The following ASIC2 variants were observed in gnomAD, a reference collection of about 807,000 sequenced individuals.
ASIC2 encodes the protein acid-sensing ion channel 2.
ASIC2 carries 25 observed loss-of-function variants against 57.3 expected under a neutral mutation model. The observed-to-expected ratio is 0.44, with a 90% CI of 0.32 to 0.61. The LOEUF (loss-of-function observed/expected upper bound fraction) is 0.61, where lower values mean the gene tolerates loss of function less well. Ranked by LOEUF, ASIC2 falls within the 20% of genes least tolerant of loss-of-function variation. The probability of loss-of-function intolerance (pLI) is 0.06; values close to 1 mark genes in which losing one functional copy is unlikely to be tolerated. For synonymous variants in ASIC2, 319 were observed against 307.5 expected (o/e 1.04, Z -0.39); for missense variants, 641 against 738.1 (o/e 0.87, Z 1.52).
intron 1 of ASIC2, among the ~76,000 whole-genome samples, chr17:33,691,879 G>A (rs753389834): frequency 3.3e-5 from 5 of 152,012 alleles, no homozygotes; most frequent in African/African-American, 4.8e-5. Flanking sequence ...TAACAACAGG[G>A]ATACATTCTG....
intron 1 of ASIC2, among the ~76,000 whole-genome samples, chr17:33,631,281 T>C (rs929948525): frequency 1.3e-5 from 2 of 151,800 alleles, no homozygotes; most frequent in Admixed American, 1.3e-4. Flanking sequence ...ATTTCGTTTG[T>C]GCTCCCCCTC....
rs192506715 is a variant in ASIC2 at position 33,935,273 on chromosome 17, C to T, written c.555+220705G>A. On this transcript the variant is annotated intron_variant, in intron 1 of 9. Transcript: ENST00000359872. The stretch of plus-strand genomic sequence containing the variant: ...CCTTTTCTGTATAACCTCCCTCGGA[C>T]AGTCAGTTGCTCTTACTGAGAAAAG... Among the ~76,000 whole-genome samples the T allele has an allele frequency of 7.2e-5, 11 of 152,342 alleles. No homozygotes were observed. The East Asian group carries it at 1.9e-3, about 27-fold the overall frequency.
chr17:34,122,307 G>T (rs1349414329), intron 1 of ASIC2, among the ~76,000 whole-genome samples: 1 of 152,196 alleles, frequency 6.6e-6, no homozygotes, highest in African/African-American at 2.4e-5. Flanking sequence ...AGTGGCAGAA[G>T]GGGCACAAGG....
At chr17:33,368,180 A>G (rs779531127) in intron 1 of ASIC2, among the ~76,000 whole-genome samples, 1 of 152,232 alleles carries the variant, frequency 6.6e-6, no homozygotes. Context: ...AGGGTACTGT[A>G]TGACTTCTGA....
At chr17:33,939,072 G>A (rs1317759602) in intron 1 of ASIC2, among the ~76,000 whole-genome samples, 1 of 152,224 alleles carries the variant, frequency 6.6e-6, no homozygotes, top group African/African-American at 2.4e-5. Flanking sequence ...TACTTTTCAT[G>A]GTCCCTGCCA....
At chr17:33,330,436 C>T (rs555724342) in intron 1 of ASIC2, among the ~76,000 whole-genome samples, 1 of 152,242 alleles carries the variant, frequency 6.6e-6, no homozygotes, top group East Asian at 1.9e-4. Context: ...ATAAAGTCTG[C>T]GTGTATTGAG....
chr17:33,449,211 T>G (rs1199744274), intron 1 of ASIC2, among the ~76,000 whole-genome samples: 3 of 152,194 alleles, frequency 2.0e-5, no homozygotes, highest in African/African-American at 7.2e-5. Context: ...TGTAGCAAGA[T>G]GAGGAAGAGA....
At chr17:34,155,940 G>A (rs1400206733) in intron 1 of ASIC2, 7 of 1,557,532 alleles carry the variant, frequency 4.5e-6, no homozygotes, top group African/African-American at 1.4e-5. Context: ...CACTTCTCCA[G>A]AGGACCAGAC....
At chr17:33,699,160 A>G (rs1028700677) in intron 1 of ASIC2, among the ~76,000 whole-genome samples, 16 of 152,298 alleles carry the variant, frequency 1.1e-4, no homozygotes, top group Admixed American at 7.8e-4. Context: ...AGCCTGTAAC[A>G]CTGGTTCTCT....
At chr17:33,222,395 G>T (rs1597637565) in intron 1 of ASIC2, among the ~76,000 whole-genome samples, 2 of 152,306 alleles carry the variant, frequency 1.3e-5, no homozygotes, top group East Asian at 3.9e-4. Flanking sequence ...ATAGAAAGTA[G>T]ATTAATGAAT....
At chr17:33,821,254 C>G (rs2141893143) in intron 1 of ASIC2, among the ~76,000 whole-genome samples, 1 of 152,230 alleles carries the variant, frequency 6.6e-6, no homozygotes, top group South Asian at 2.1e-4. Context: ...GTTGTCCCAC[C>G]CCTCAAATAC....
chr17:34,056,353 C>T (rs1474464966), intron 1 of ASIC2, among the ~76,000 whole-genome samples: 2 of 152,102 alleles, frequency 1.3e-5, no homozygotes, highest in South Asian at 2.1e-4. Context: ...CTGCCTTCTC[C>T]CTAAAATACC....
chr17:33,360,815 T>C (rs1908572872), intron 1 of ASIC2, among the ~76,000 whole-genome samples: 1 of 152,316 alleles, frequency 6.6e-6, no homozygotes, highest in Middle Eastern at 3.4e-3. Context: ...TTTTCACTTG[T>C]GGCCACATGG....
intron 1 of ASIC2, among the ~76,000 whole-genome samples, chr17:33,462,428 A>G (rs1363904745): frequency 6.6e-6 from 1 of 152,122 alleles, no homozygotes; most frequent in Non-Finnish European, 1.5e-5. Flanking sequence ...GATAAGGTGG[A>G]GGTGATCTGA....
rs371474360 is a variant in ASIC2 at position 34,131,761 on chromosome 17, G to C, written c.555+24217C>G. Among the ~76,000 whole-genome samples the C allele has an allele frequency of 1.4e-4, 21 of 152,352 alleles. 1 individual carries two copies. The highest frequency in any genetic ancestry group is 5.1e-4 in the African/African-American group (21 of 41,570). On this transcript the variant is annotated intron_variant, in intron 1 of 9. Coordinates refer to the ASIC2 transcript ENST00000359872. ...TTAATCCCACTGAGACCCAGGGTCTGCTGGGCAGGGGCCATTGCCGAGGCC... is the reference window on the plus strand; with the variant it reads ...TTAATCCCACTGAGACCCAGGGTCTCCTGGGCAGGGGCCATTGCCGAGGCC...
chr17:33,475,118 A>G (rs1376692486), intron 1 of ASIC2, among the ~76,000 whole-genome samples: 3 of 151,396 alleles, frequency 2.0e-5, no homozygotes, highest in African/African-American at 7.3e-5. Flanking sequence ...CCACTCCCCA[A>G]CCCAGCCTGA....
chr17:33,819,865 T>A (rs1347803718), intron 1 of ASIC2, among the ~76,000 whole-genome samples: 1 of 152,218 alleles, frequency 6.6e-6, no homozygotes, highest in Non-Finnish European at 1.5e-5. Context: ...AATTCGGTTC[T>A]GCAGAAGCTG....
chr17:33,878,329 G>A (rs1160920822), intron 1 of ASIC2, among the ~76,000 whole-genome samples: 4 of 152,258 alleles, frequency 2.6e-5, no homozygotes, highest in Admixed American at 6.5e-5. Flanking sequence ...GAGGAAGTTC[G>A]AACCCATAGC....
intron 1 of ASIC2, among the ~76,000 whole-genome samples, chr17:34,013,571 A>G (rs1167565946): frequency 1.3e-5 from 2 of 152,196 alleles, no homozygotes; most frequent in African/African-American, 4.8e-5. Flanking sequence ...CTGAGACAAG[A>G]TGAGGGGCTT....
Sources: gnomAD v4.1 joint callset for allele counts (sites outside exome capture counted in the v4.1 genomes callset) on GRCh38, gnomAD v4.1.1 for gene constraint, MANE v1.5 for transcripts, NCBI Gene and HGNC (gene_info 2026-07-23, HGNC 2026-07-21) for gene names.